The following BPIFB2 variants were observed in gnomAD, a reference collection of about 807,000 sequenced individuals.
The protein encoded by BPIFB2 is BPI fold-containing family B member 2.
Under a neutral mutation model 50.1 loss-of-function variants are expected in BPIFB2, and 39 were observed. That is an observed-to-expected ratio of 0.78 (90% CI 0.60 to 1.02). The LOEUF is 1.02. Among genes scored for constraint, BPIFB2 ranks in the 50% least tolerant of loss-of-function variants. The pLI is 0.00. For missense variants in BPIFB2, 574 were observed against 585.8 expected, an observed-to-expected ratio of 0.98 and a Z score of 0.21; for synonymous variants, 280 against 256.3, an observed-to-expected ratio of 1.09 and a Z score of -0.88.
At chr20:33,013,583 C>T (rs187579568) in intron 4 of BPIFB2, among the ~76,000 whole-genome samples, 1 of 152,322 alleles carries the variant, frequency 6.6e-6, no homozygotes, top group East Asian at 1.9e-4. Flanking sequence ...AGGCTCCGGA[C>T]AGCCAGTGCT....
In BPIFB2 at chr20:33,012,794, A is replaced by G. The variant is rs777009173; in HGVS notation, c.204-9A>G. The G allele has an allele frequency of 6.2e-7, 1 of 1,607,006 alleles. No homozygotes were observed. Among genetic ancestry groups the G allele is most frequent in the Non-Finnish European group, 8.5e-7 (1 of 1,173,812 alleles). On this transcript the variant is annotated splice_polypyrimidine_tract_variant and intron_variant, in intron 3 of 15. Coordinates refer to ENST00000170150, the MANE Select transcript of BPIFB2 (RefSeq NM_025227.3). ...GGGCCACTCTGTCACCTTGATTACT[A>G]CCCTGCAGGATCCGGATTCTGAATG...
intron 1 of BPIFB2, among the ~76,000 whole-genome samples, 187 bp downstream of exon 1, chr20:33,007,947 C>T (rs745558329): frequency 2.0e-5 from 3 of 152,232 alleles, no homozygotes; most frequent in African/African-American, 2.4e-5. Context: ...GTCCCTCACT[C>T]CTGCCTGGCT....
At chr20:33,014,102 C>G (rs1990325223) in intron 5 of BPIFB2, 146 bp downstream of exon 5, 41 of 1,143,654 alleles carry the variant, frequency 3.6e-5, no homozygotes, top group Non-Finnish European at 4.7e-5. Context: ...TGTCGGAGGA[C>G]ACTGAGGCTC....
chr20:33,021,134 G>A, intron 13 of BPIFB2, 147 bp from the exon 14 acceptor site: 1 of 871,144 alleles, frequency 1.1e-6, no homozygotes, highest in Non-Finnish European at 1.8e-6. Flanking sequence ...CAGGACATGG[G>A]TGATCTGCCT....
rs3746389 is a variant in BPIFB2, at chr20:33,018,933, G to A, written c.855+111G>A. The A allele has an allele frequency of 1.7e-3, 2,617 of 1,568,974 alleles. 64 individuals carry two copies. The East Asian group carries it at 0.045, about 27-fold the overall frequency. Reference sequence around the variant, plus strand: ...TGGGTGGGTGGGGCCGCTGAAGCTGGCGCCACAGGGTGGCTGTTGGAAGGG... The same window carrying A: ...TGGGTGGGTGGGGCCGCTGAAGCTGACGCCACAGGGTGGCTGTTGGAAGGG... On this transcript the variant is annotated intron_variant, in intron 9 of 15. Coordinates refer to ENST00000170150, the MANE Select transcript of BPIFB2 (RefSeq NM_025227.3).
chr20:33,013,889 C>G lies in BPIFB2; in HGVS notation c.388C>G (p.Pro130Ala). 1.2e-6 allele frequency: 2 copies of G among 1,614,154 alleles called. No homozygotes were observed. Among genetic ancestry groups the G allele is most frequent in the Non-Finnish European group, 1.7e-6 (2 of 1,180,004 alleles). Residue 130 changes from proline (P) to alanine (A), a missense_variant, in exon 5 of 16, where the codon CCT becomes GCT. By Grantham distance (27) the Pro-to-Ala change is conservative. Transcript: ENST00000170150. ...CGTGACCCAGAGCTCCATCAGGACC[C>G]CTGTGGTCAGCATCTCTGCCTGCTC... ...TRVTQSSIRTPVVSISACSLF... is the reference protein window; with the variant it reads ...TRVTQSSIRTAVVSISACSLF...
intron 1 of BPIFB2, among the ~76,000 whole-genome samples, chr20:33,008,311 C>T (rs1568975096): frequency 2.6e-5 from 4 of 152,142 alleles, no homozygotes; most frequent in South Asian, 2.1e-4. Context: ...ACCATTTCTT[C>T]TCTGGGCATT....
At chr20:33,021,205 A>G in intron 13 of BPIFB2, 76 bp from the exon 14 acceptor site, 1 of 1,468,700 alleles carries the variant, frequency 6.8e-7, no homozygotes, top group Non-Finnish European at 9.5e-7. Flanking sequence ...GTGTATATTT[A>G]TGTATGTGCC....
At chr20:33,022,463 C>T (rs1040063432) in intron 15 of BPIFB2, among the ~76,000 whole-genome samples, 1 of 152,178 alleles carries the variant, frequency 6.6e-6, no homozygotes, top group Non-Finnish European at 1.5e-5. Flanking sequence ...TGAGAAGGAA[C>T]GATTGGTACA....
intron 15 of BPIFB2, among the ~76,000 whole-genome samples, chr20:33,022,298 C>A (rs1978704671): frequency 6.6e-6 from 1 of 152,190 alleles, no homozygotes; most frequent in African/African-American, 2.4e-5. Context: ...GCAAGACATG[C>A]CTAGGACAGA....
At chr20:33,022,261 C>A (rs934478570) in intron 15 of BPIFB2, among the ~76,000 whole-genome samples, 2 of 152,142 alleles carry the variant, frequency 1.3e-5, no homozygotes, top group African/African-American at 4.8e-5. Context: ...TTCTTCTGTA[C>A]CTGGGATATA....
chr20:33,008,519 C>G, intron 1 of BPIFB2, 22 bp from the exon 2 acceptor site: 2 of 1,458,440 alleles, frequency 1.4e-6, no homozygotes, highest in South Asian at 2.6e-5. Context: ...GCTGAGCTCC[C>G]TGATGCTCAT....
rs1978501012 is a variant in BPIFB2 at position 33,018,115 on chromosome 20, G to A, written c.578-144G>A. 16 of 627,138 alleles carry A rather than the reference G, an allele frequency of 2.6e-5. No individual in the cohort carries two copies. In the East Asian group the frequency reaches 4.7e-4, roughly 18 times the overall value. The allele number at this position is 627,138 out of a possible 1,614,324, so 38.8% of individuals were successfully genotyped here. A position where few individuals can be genotyped will look rare whatever the true frequency, so the allele number is the denominator to read the frequency against. On this transcript the variant is annotated intron_variant, in intron 7 of 15. Transcript: ENST00000170150. ...TGCCACTTAAATTTGCTTATTCAGAGGCTTGCTCTGCCTCTTTTGTTTCGT... is the reference window on the plus strand; with the variant it reads ...TGCCACTTAAATTTGCTTATTCAGAAGCTTGCTCTGCCTCTTTTGTTTCGT...
At chr20:33,012,754 C>G in intron 3 of BPIFB2, 49 bp from the exon 4 acceptor site, 1 of 1,462,852 alleles carries the variant, frequency 6.8e-7, no homozygotes. Context: ...CAGAGTTGAT[C>G]CCATGGTTTA....
chr20:33,013,846 A>G lies in BPIFB2; in HGVS notation c.345A>G (p.Glu115=). The change falls in exon 5 of 16, where the codon GAA becomes GAG. Residue 115 remains glutamate, a synonymous_variant. Transcript: ENST00000170150. ...PEPLELTLPV[E]LLADTRVTQS... ...CCCTGGAGCTGACGCTGCCTGTGGA[A>G]CTGCTGGCTGACACCCGCGTGACCC... 3.7e-6 allele frequency: 6 copies of G among 1,613,826 alleles called. No individual in the cohort carries two copies. Among genetic ancestry groups the G allele is most frequent in the Non-Finnish European group, 5.1e-6 (6 of 1,179,922 alleles).
chr20:33,019,479 A>T (rs1407861220), intron 10 of BPIFB2, 101 bp from the exon 11 acceptor site: 23 of 1,323,048 alleles, frequency 1.7e-5, no homozygotes, highest in Non-Finnish European at 2.0e-5. Context: ...GCCCAGTCAC[A>T]TACAGCGCCA....
intron 5 of BPIFB2, 130 bp from the exon 6 acceptor site, chr20:33,015,306 G>A: frequency 7.2e-6 from 5 of 697,572 alleles, no homozygotes; most frequent in Non-Finnish European, 1.2e-5. Flanking sequence ...CAGATGGCAG[G>A]GCATCGAATG....
At chr20:33,016,720 C>T (rs1978443407) in intron 6 of BPIFB2, among the ~76,000 whole-genome samples, 1 of 152,244 alleles carries the variant, frequency 6.6e-6, no homozygotes, top group Admixed American at 6.5e-5. Context: ...AGCTCTCAGC[C>T]CCGTTGCAGC....
In BPIFB2 at chr20:33,018,586, C is replaced by T. The variant is rs527834911; in HGVS notation, c.670-51C>T. On this transcript the variant is annotated intron_variant, in intron 8 of 15. Coordinates refer to ENST00000170150, the MANE Select transcript of BPIFB2 (RefSeq NM_025227.3). The stretch of plus-strand genomic sequence containing the variant: ...CCAGGTTCTGCCATGGAGCCACCTC[C>T]GTGCTGAGGCCCTGCTGCTTTTCTC... The T allele has an allele frequency of 4.7e-5, 73 of 1,540,032 alleles. 1 individual carries two copies. Among genetic ancestry groups the T allele is most frequent in the South Asian group, 1.4e-4 (11 of 79,748 alleles).
Sources: gnomAD v4.1 joint callset for allele counts (sites outside exome capture counted in the v4.1 genomes callset) on GRCh38, gnomAD v4.1.1 for gene constraint, MANE v1.5 for transcripts, NCBI Gene and HGNC (gene_info 2026-07-23, HGNC 2026-07-21) for gene names.